The following SSBP2 variants were observed in gnomAD, a reference collection of about 807,000 sequenced individuals.
SSBP2 encodes the protein single-stranded DNA-binding protein 2.
In SSBP2, 17 loss-of-function variants were observed where a neutral mutation model predicts 61.8. That is an observed-to-expected ratio of 0.28 (90% confidence interval 0.19 to 0.41). The LOEUF (loss-of-function observed/expected upper bound fraction) is 0.41. Among genes scored for constraint, SSBP2 ranks in the 10% least tolerant of loss-of-function variants. The pLI is 1.00. For synonymous variants in SSBP2, 139 were observed against 141.3 expected, an observed-to-expected ratio of 0.98 and a Z score of 0.12; for missense variants, 310 against 458.7, an observed-to-expected ratio of 0.68 and a Z score of 2.96.
intron 1 of SSBP2, among the ~76,000 whole-genome samples, chr5:81,690,980 G>A (rs1413382057): frequency 6.6e-6 from 1 of 152,046 alleles, no homozygotes; most frequent in African/African-American, 2.4e-5. Context: ...AGTGGGGTCA[G>A]TGAAGAAATT....
chr5:81,465,849 T>A (rs991999612), intron 9 of SSBP2, among the ~76,000 whole-genome samples: 1 of 152,054 alleles, frequency 6.6e-6, no homozygotes, highest in Non-Finnish European at 1.5e-5. Flanking sequence ...CCATTTTTAC[T>A]TTAAAAGTAA....
chr5:81,428,826 T>C lies in SSBP2; in HGVS notation c.958-143A>G. ...TCTTAGACTTCTACCATGTATTCTA[T>C]TTCATTCTTTGCACTTTGACAAGTA... On this transcript the variant is annotated intron_variant, in intron 15 of 16. Transcript: ENST00000320672. 4 of 555,072 alleles carry C rather than the reference T, an allele frequency of 7.2e-6. No individual in the cohort carries two copies. In the South Asian group the frequency reaches 8.3e-5, roughly 12 times the overall value. 34.4% of individuals were successfully genotyped at this position (555,072 alleles called of 1,614,324 possible).
At position 81,624,878 on chromosome 5, in the gene SSBP2, A is replaced by G. The variant is rs368261211; in HGVS notation, c.198-9321T>C. ...TCTTCCAGTAATATTTCAAATATGCATTAAATACCACGTCTATATAATATG... is the reference window on the plus strand; with the variant it reads ...TCTTCCAGTAATATTTCAAATATGCGTTAAATACCACGTCTATATAATATG... On this transcript the variant is annotated intron_variant, in intron 3 of 16. Coordinates refer to ENST00000320672, the MANE Select transcript of SSBP2 (RefSeq NM_012446.5). Among the ~76,000 whole-genome samples, 5 of 152,320 alleles carry G rather than the reference A, an allele frequency of 3.3e-5. No individual in the cohort carries two copies. The East Asian group carries it at 7.7e-4, about 23-fold the overall frequency.
At chr5:81,513,536 A>T in intron 5 of SSBP2, 92 bp downstream of exon 5, 1 of 786,654 alleles carries the variant, frequency 1.3e-6, no homozygotes, top group Non-Finnish European at 2.1e-6. Context: ...TACCTTAAAA[A>T]TTAAAATAGC....
intron 4 of SSBP2, among the ~76,000 whole-genome samples, chr5:81,533,860 A>G (rs868179473): frequency 1.3e-5 from 2 of 151,960 alleles, no homozygotes; most frequent in East Asian, 1.9e-4. Context: ...TCACAGGGGG[A>G]TCTCTAAATG....
intron 1 of SSBP2, among the ~76,000 whole-genome samples, chr5:81,689,299 G>T (rs569824361): frequency 1.3e-5 from 2 of 152,084 alleles, no homozygotes; most frequent in African/African-American, 4.8e-5. Context: ...TAAGGGTAGA[G>T]ACTATTCAAA....
chr5:81,567,449 C>G (rs1581042588), intron 4 of SSBP2, among the ~76,000 whole-genome samples: 1 of 152,320 alleles, frequency 6.6e-6, no homozygotes, highest in East Asian at 1.9e-4. Flanking sequence ...GCCTAGATTT[C>G]AGAAGATGTA....
chr5:81,716,235 T>C (rs988133097), intron 1 of SSBP2, among the ~76,000 whole-genome samples: 2 of 152,072 alleles, frequency 1.3e-5, no homozygotes, highest in Non-Finnish European at 2.9e-5. Context: ...ATAGTTGAAG[T>C]TGTTTGTCTA....
chr5:81,609,230 T>C (rs543092055), intron 4 of SSBP2, among the ~76,000 whole-genome samples: 1 of 152,326 alleles, frequency 6.6e-6, no homozygotes, highest in African/African-American at 2.4e-5. Context: ...AGCTAAGCAC[T>C]GATACTGTGT....
intron 7 of SSBP2, 79 bp from the exon 8 acceptor site, chr5:81,473,849 G>T: frequency 7.7e-7 from 1 of 1,299,288 alleles, no homozygotes; most frequent in Non-Finnish European, 1.1e-6. Flanking sequence ...TCCCTCCTGG[G>T]TGTTACTGTC....
chr5:81,652,720 A>G (rs1266529008), intron 1 of SSBP2, among the ~76,000 whole-genome samples: 1 of 152,178 alleles, frequency 6.6e-6, no homozygotes, highest in Non-Finnish European at 1.5e-5. Context: ...GTCTACTGCC[A>G]TGATGACTCC....
intron 4 of SSBP2, among the ~76,000 whole-genome samples, chr5:81,578,121 A>G (rs1219640532): frequency 6.6e-6 from 1 of 152,088 alleles, no homozygotes; most frequent in Non-Finnish European, 1.5e-5. Context: ...TTTAAAAAAA[A>G]TCATAGGAGC....
At chr5:81,550,654 G>A (rs2154129055) in intron 4 of SSBP2, among the ~76,000 whole-genome samples, 1 of 152,226 alleles carries the variant, frequency 6.6e-6, no homozygotes, top group East Asian at 1.9e-4. Context: ...ATCACAACAT[G>A]TCAACAACTC....
At chr5:81,425,172 A>C (rs1298663917) in intron 16 of SSBP2, among the ~76,000 whole-genome samples, 1 of 152,206 alleles carries the variant, frequency 6.6e-6, no homozygotes, top group African/African-American at 2.4e-5. Flanking sequence ...TGTACCATAA[A>C]ATCCAGAGAT....
Position 81,663,520 on chromosome 5 carries a change from CT to C in SSBP2, c.63-13182del, listed in dbSNP as rs200734574. ...ACCGTATGATTTAATATTCACAAAA[CT>C]TTTCAGAAAATGTACTATATATAAT... is the stretch of plus-strand genomic sequence containing the variant. On this transcript the variant is annotated intron_variant, in intron 1 of 16. Transcript: ENST00000320672. Among the ~76,000 whole-genome samples, 1,270 of 152,228 alleles carry C rather than the reference CT, an allele frequency of 8.3e-3. 27 individuals are homozygous for C. The highest frequency in any genetic ancestry group is 0.029 in the African/African-American group (1,217 of 41,552).
intron 1 of SSBP2, among the ~76,000 whole-genome samples, chr5:81,674,775 A>G (rs1166187310): frequency 6.6e-6 from 1 of 151,928 alleles, no homozygotes; most frequent in Non-Finnish European, 1.5e-5. Context: ...AAAGTCATCT[A>G]AATAGAAAAT....
chr5:81,564,973 G>A (rs959474783), intron 4 of SSBP2, among the ~76,000 whole-genome samples: 1 of 152,120 alleles, frequency 6.6e-6, no homozygotes, highest in Non-Finnish European at 1.5e-5. Context: ...GCAATACCAT[G>A]GCCTTGCAAA....
intron 1 of SSBP2, among the ~76,000 whole-genome samples, chr5:81,727,115 C>T (rs1755939857): frequency 6.6e-6 from 1 of 152,152 alleles, no homozygotes; most frequent in South Asian, 2.1e-4. Context: ...ACAAACAGAC[C>T]TAAGTTCAAA....
chr5:81,490,660 G>C (rs999872084), intron 5 of SSBP2, among the ~76,000 whole-genome samples: 3 of 152,142 alleles, frequency 2.0e-5, no homozygotes, highest in African/African-American at 7.2e-5. Context: ...GTTTTCCAGA[G>C]CTGTTTTAAA....
Sources: allele counts gnomAD v4.1 joint callset (sites outside exome capture counted in the v4.1 genomes callset), GRCh38; gene constraint gnomAD v4.1.1; transcripts MANE v1.5; gene names NCBI Gene and HGNC (gene_info 2026-07-23, HGNC 2026-07-21).